LAMB4: variants seen among roughly 807,000 people sequenced by gnomAD.
The protein encoded by LAMB4 is laminin subunit beta 4, also known as laminin subunit beta-4.
Under a neutral mutation model 199.2 loss-of-function variants are expected in LAMB4, and 196 were observed. The ratio of observed to expected loss-of-function variants is 0.98; its 90% CI spans 0.88 to 1.11. LAMB4 has a LOEUF of 1.11. Among genes scored for constraint, LAMB4 ranks in the 50% least tolerant of loss-of-function variants. The pLI is 0.00. For missense variants in LAMB4, 2,080 were observed against 2,171.2 expected, an observed-to-expected ratio of 0.96 and a Z score of 0.83; for synonymous variants, 744 against 770.6, an observed-to-expected ratio of 0.97 and a Z score of 0.57.
In LAMB4 at chr7:108,023,844, C is replaced by G. The variant is rs1451806424; in HGVS notation, c.*195G>C. 5.3e-6 allele frequency: 2 copies of G among 375,548 alleles called. No individual in the cohort carries two copies. Among genetic ancestry groups the G allele is most frequent in the Non-Finnish European group, 9.5e-6 (2 of 210,658 alleles). 23.3% of individuals were successfully genotyped at this position (375,548 alleles called of 1,614,324 possible). ...ACCAGAGACAATTTCATTACTTTCCCCTTTCAATTATGAAGTGGCATTTTC... is the reference window on the plus strand; with the variant it reads ...ACCAGAGACAATTTCATTACTTTCCGCTTTCAATTATGAAGTGGCATTTTC... On this transcript the variant is annotated 3_prime_UTR_variant, in exon 34 of 34. Coordinates refer to ENST00000388781, the MANE Select transcript of LAMB4 (RefSeq NM_007356.3).
chr7:108,066,240 C>T (rs370558263), intron 20 of LAMB4, 129 bp downstream of exon 20: 38 of 711,926 alleles, frequency 5.3e-5, no homozygotes, highest in African/African-American at 5.0e-4. Context: ...AAGCAATGCT[C>T]TCCCCGACCT....
rs1258423762 is a variant in LAMB4, at chr7:108,025,236, A to G, written c.5147-1058T>C. Reference sequence around the variant, plus strand: ...TGTTCTCTGTCATCCTGAGGCAATAAAATGGAAACTAGCAGGTGAAGCTCC... The same window carrying G: ...TGTTCTCTGTCATCCTGAGGCAATAGAATGGAAACTAGCAGGTGAAGCTCC... On this transcript the variant is annotated intron_variant, in intron 33 of 33. Coordinates refer to ENST00000388781, the MANE Select transcript of LAMB4 (RefSeq NM_007356.3). Among the ~76,000 whole-genome samples the G allele has an allele frequency of 4.6e-5, 7 of 152,294 alleles. No individual in the cohort carries two copies. In the East Asian group the frequency reaches 1.3e-3, roughly 29 times the overall value.
At chr7:108,079,401 T>C (rs1041864679) in intron 15 of LAMB4, among the ~76,000 whole-genome samples, 200 bp downstream of exon 15, 1 of 152,216 alleles carries the variant, frequency 6.6e-6, no homozygotes, top group African/African-American at 2.4e-5. Flanking sequence ...CTTCTCTCCA[T>C]GGGATACAGC....
chr7:108,026,788 G>A (rs1039215214), intron 33 of LAMB4: 1 of 420,328 alleles, frequency 2.4e-6, no homozygotes, highest in African/African-American at 2.1e-5. Context: ...CTGGGATCCA[G>A]GGGCTCCTCT....
intron 12 of LAMB4, among the ~76,000 whole-genome samples, chr7:108,094,332 C>T (rs960346656): frequency 3.3e-5 from 5 of 152,172 alleles, no homozygotes; most frequent in Non-Finnish European, 7.3e-5. Context: ...TGGAGGTTGG[C>T]GTGGCTGACC....
intron 30 of LAMB4, among the ~76,000 whole-genome samples, chr7:108,036,941 C>A (rs897006153): frequency 2.0e-5 from 3 of 149,120 alleles, no homozygotes; most frequent in Non-Finnish European, 4.5e-5. Flanking sequence ...TATCTTTTTA[C>A]TGAGAATATA....
In LAMB4 at chr7:108,034,220, C is replaced by CT; in HGVS notation, c.4805dup (p.Asn1603GlufsTer6). The CT allele has an allele frequency of 1.2e-6, 2 of 1,613,972 alleles. No individual in the cohort carries two copies. Among genetic ancestry groups the CT allele is most frequent in the Non-Finnish European group, 8.5e-7 (1 of 1,179,962 alleles). ...AGAAGACAAATACCTGCAGCACATT[C>CT]TTTTTTATTTTTGTTATATTGGCAG... On this transcript the variant is annotated frameshift_variant, in exon 31 of 34. Transcript: ENST00000388781. LOFTEE classifies it high-confidence loss of function.
intron 31 of LAMB4, among the ~76,000 whole-genome samples, chr7:108,033,963 C>T (rs1037169322): frequency 1.3e-5 from 2 of 151,980 alleles, no homozygotes; most frequent in African/African-American, 4.8e-5. Flanking sequence ...GTCATAGTTT[C>T]CTCATTTCCA....
At chr7:108,087,163 C>T (rs933897231) in intron 14 of LAMB4, among the ~76,000 whole-genome samples, 4 of 152,172 alleles carry the variant, frequency 2.6e-5, no homozygotes, top group African/African-American at 4.8e-5. Context: ...GGGTATTTCT[C>T]CATAATCTGA....
Position 108,023,933 on chromosome 7 carries a change from G to A in LAMB4, c.*106C>T, listed in dbSNP as rs1348753774. On this transcript the variant is annotated 3_prime_UTR_variant, in exon 34 of 34. Transcript: ENST00000388781. ...TCTAATAAGGACAGGGTGTGGGGAA[G>A]GAAGGTAGAAGACATTGTCAGTATT... is the stretch of plus-strand genomic sequence containing the variant. 7.5e-6 allele frequency: 7 copies of A among 930,058 alleles called. No homozygotes were observed. In the African/African-American group the frequency reaches 8.7e-5, roughly 12 times the overall value. 57.6% of individuals were successfully genotyped at this position (930,058 alleles called of 1,614,324 possible).
intron 11 of LAMB4, 30 bp from the exon 12 acceptor site, chr7:108,095,367 A>C: frequency 1.8e-3 from 2,552 of 1,440,300 alleles, no homozygotes; most frequent in Non-Finnish European, 2.3e-3. Context: ...AATTATTCTC[A>C]TTCTTAATTC....
chr7:108,097,746 C>G (rs1002781800), intron 11 of LAMB4, among the ~76,000 whole-genome samples: 1 of 152,076 alleles, frequency 6.6e-6, no homozygotes, highest in African/African-American at 2.4e-5. Context: ...AAACAAACCA[C>G]CACTTGAAAA....
At chr7:108,113,913 T>C (rs1181231061) in intron 3 of LAMB4, among the ~76,000 whole-genome samples, 1 of 152,102 alleles carries the variant, frequency 6.6e-6, no homozygotes, top group East Asian at 1.9e-4. Flanking sequence ...CCTTCTATAA[T>C]ACACTTTGTC....
intron 23 of LAMB4, among the ~76,000 whole-genome samples, chr7:108,060,767 G>A (rs751376085): frequency 6.6e-5 from 10 of 152,150 alleles, no homozygotes; most frequent in Non-Finnish European, 8.8e-5. Context: ...ATAAATGGTC[G>A]AATGAATGAA....
At chr7:108,097,086 G>T (rs1046936744) in intron 11 of LAMB4, among the ~76,000 whole-genome samples, 10 of 152,232 alleles carry the variant, frequency 6.6e-5, no homozygotes, top group African/African-American at 2.4e-4. Context: ...GGTATGATGG[G>T]AAATTGGTTT....
chr7:108,104,673 G>T (rs1304594527), intron 8 of LAMB4, 54 bp from the exon 9 acceptor site: 3 of 1,585,914 alleles, frequency 1.9e-6, no homozygotes, highest in Non-Finnish European at 2.6e-6. Context: ...TGGGGACGTT[G>T]GGGTTCTTTA....
At chr7:108,086,468 A>C (rs1395344275) in intron 14 of LAMB4, among the ~76,000 whole-genome samples, 1 of 152,202 alleles carries the variant, frequency 6.6e-6, no homozygotes, top group African/African-American at 2.4e-5. Flanking sequence ...ATAAAACTGA[A>C]AAAAATTTCA....
chr7:108,084,720 G>C (rs910115021), intron 14 of LAMB4, among the ~76,000 whole-genome samples: 18 of 148,676 alleles, frequency 1.2e-4, no homozygotes, highest in African/African-American at 4.4e-4. Flanking sequence ...CTTTCTGTTA[G>C]AACCAGACTT....
rs750260114 is a variant in LAMB4, at chr7:108,056,025, A to G, written c.3380-18T>C. 1.9e-6 allele frequency: 3 copies of G among 1,585,496 alleles called. No homozygotes were observed. Among genetic ancestry groups the G allele is most frequent in the Admixed American group, 3.6e-5 (2 of 56,316 alleles). On this transcript the variant is annotated intron_variant, in intron 24 of 33. Transcript: ENST00000388781. Reference sequence around the variant, plus strand: ...ATCACATGCTAAAAAGGAAAACAGAAGGAGCAGAGAATGTCACTGGGCCTT... The same window carrying G: ...ATCACATGCTAAAAAGGAAAACAGAGGGAGCAGAGAATGTCACTGGGCCTT...
Sources: allele counts gnomAD v4.1 joint callset (sites outside exome capture counted in the v4.1 genomes callset), GRCh38; gene constraint gnomAD v4.1.1; transcripts MANE v1.5; gene names NCBI Gene and HGNC (gene_info 2026-07-23, HGNC 2026-07-21).